The following NCR1 variants were observed in gnomAD, a reference collection of about 807,000 sequenced individuals.
NCR1 encodes NK cell-activating receptor.
NCR1 carries 30 observed loss-of-function variants against 32.5 expected under a neutral mutation model. The ratio of observed to expected loss-of-function variants is 0.92; its 90% CI spans 0.69 to 1.25. The LOEUF is 1.25. NCR1 is among the 50% of genes most tolerant of loss of function. The pLI is 0.00. For missense variants in NCR1, 369 were observed against 380.7 expected, an observed-to-expected ratio of 0.97 and a Z score of 0.26; for synonymous variants, 169 against 143.4, an observed-to-expected ratio of 1.18 and a Z score of -1.28.
chr19:54,937,661 G>A, the NCR1 span, among the ~76,000 whole-genome samples: 2 of 151,540 alleles, frequency 1.3e-5, no homozygotes, highest in Non-Finnish European at 2.9e-5. Flanking sequence ...ACTTTGGAAG[G>A]CCGAGGCAGG....
At chr19:54,934,623 A>C in the NCR1 span, 2 of 1,613,946 alleles carry the variant, frequency 1.2e-6, no homozygotes, top group Non-Finnish European at 1.7e-6. The surrounding 1 kb of genome is among the most constrained non-coding windows in gnomAD (Gnocchi z 6.7). Flanking sequence ...AGAAGAATTC[A>C]GCCCACTGCT....
the NCR1 span, among the ~76,000 whole-genome samples, chr19:54,898,620 T>C: frequency 6.6e-6 from 1 of 152,146 alleles, no homozygotes; most frequent in Non-Finnish European, 1.5e-5. Flanking sequence ...GATTTGGTAA[T>C]AAAATGTATA....
upstream of NCR1, among the ~76,000 whole-genome samples, chr19:54,903,308 GTATACATACATGTATA>G (rs771396194): frequency 4.0e-5 from 5 of 126,582 alleles, no homozygotes; most frequent in Non-Finnish European, 8.3e-5. Context: ...ATACGTATAT[GTATACATACATGTATA>G]TATACATGTA....
chr19:54,901,739 A>G (rs1167220370), upstream of NCR1, among the ~76,000 whole-genome samples: 1 of 152,204 alleles, frequency 6.6e-6, no homozygotes, highest in Non-Finnish European at 1.5e-5. Context: ...AGGCTGAGGC[A>G]GGTGGATCAG....
chr19:54,916,936 A>C (rs1371654267), downstream of NCR1, among the ~76,000 whole-genome samples: 1 of 150,404 alleles, frequency 6.6e-6, no homozygotes, highest in African/African-American at 2.4e-5. Flanking sequence ...TGTGCTCCCC[A>C]CCCGCTAGAA....
chr19:54,905,728 G>A (rs151338572), upstream of NCR1, among the ~76,000 whole-genome samples: 1 of 152,218 alleles, frequency 6.6e-6, no homozygotes, highest in East Asian at 1.9e-4. Context: ...CTTCCTCGGG[G>A]GGAACTGGGT....
chr19:54,931,830 C>CA, the NCR1 span, among the ~76,000 whole-genome samples: 1 of 127,998 alleles, frequency 7.8e-6, no homozygotes, highest in Non-Finnish European at 1.6e-5. Context: ...AGCCTGGTGA[C>CA]AGAGAGAGAC....
At chr19:54,922,369 G>A in the NCR1 span, among the ~76,000 whole-genome samples, 1 of 152,188 alleles carries the variant, frequency 6.6e-6, no homozygotes, top group Non-Finnish European at 1.5e-5. Flanking sequence ...ACCAAATACA[G>A]GGTGTGGAAA....
At chr19:54,928,732 G>C in the NCR1 span, among the ~76,000 whole-genome samples, 1 of 152,108 alleles carries the variant, frequency 6.6e-6, no homozygotes. Flanking sequence ...TAGTGAGAAA[G>C]TAGAATGATT....
chr19:54,918,225 C>T (rs2068174466), downstream of NCR1, among the ~76,000 whole-genome samples: 1 of 151,960 alleles, frequency 6.6e-6, no homozygotes, highest in African/African-American at 2.4e-5. Context: ...AGCCACCGCA[C>T]CCGGCCTTAT....
upstream of NCR1, among the ~76,000 whole-genome samples, chr19:54,901,813 CA>C (rs1345700152): frequency 2.6e-5 from 4 of 152,034 alleles, no homozygotes; most frequent in East Asian, 7.7e-4. Flanking sequence ...ACTAGAAATA[CA>C]AAAATTAGCT....
the NCR1 span, among the ~76,000 whole-genome samples, chr19:54,921,973 C>T: frequency 5.3e-5 from 8 of 151,548 alleles, no homozygotes; most frequent in South Asian, 1.3e-3. Context: ...CTCAGCTCAC[C>T]GCAAACTCCG....
chr19:54,919,004 G>A (rs1391372252), downstream of NCR1, among the ~76,000 whole-genome samples: 2 of 149,918 alleles, frequency 1.3e-5, no homozygotes, highest in East Asian at 3.9e-4. Context: ...AAAAAAGTGA[G>A]AACATATGGA....
downstream of NCR1, among the ~76,000 whole-genome samples, chr19:54,917,162 A>G (rs2068152793): frequency 6.6e-6 from 1 of 151,490 alleles, no homozygotes; most frequent in Non-Finnish European, 1.5e-5. Flanking sequence ...TACAGTACCA[A>G]CAGGTTTGCA....
the NCR1 span, among the ~76,000 whole-genome samples, chr19:54,929,195 C>G: frequency 6.6e-6 from 1 of 151,892 alleles, no homozygotes; most frequent in African/African-American, 2.4e-5. Flanking sequence ...ATGGTGAAAC[C>G]TGGTCTCTAC....
chr19:54,904,873 A>G (rs1357960731), upstream of NCR1, among the ~76,000 whole-genome samples: 1 of 152,112 alleles, frequency 6.6e-6, no homozygotes, highest in Non-Finnish European at 1.5e-5. Context: ...GCTTAGGATA[A>G]TGGCCTCTAG....
chr19:54,936,488 G>C, the NCR1 span: 3 of 1,411,072 alleles, frequency 2.1e-6, no homozygotes, highest in African/African-American at 1.4e-5. Flanking sequence ...ATTGTGTGGA[G>C]GCATGTATAA....
At chr19:54,898,888 C>G in the NCR1 span, among the ~76,000 whole-genome samples, 2 of 151,878 alleles carry the variant, frequency 1.3e-5, no homozygotes, top group Admixed American at 1.3e-4. Flanking sequence ...TAAGCTGGAC[C>G]GGGTGTGAGG....
chr19:54,928,773 A>G, the NCR1 span, among the ~76,000 whole-genome samples: 1 of 151,556 alleles, frequency 6.6e-6, no homozygotes, highest in Non-Finnish European at 1.5e-5. Flanking sequence ...AGGATCCCCC[A>G]TAAGGCCCTG....
Sources: allele counts gnomAD v4.1 joint callset (sites outside exome capture counted in the v4.1 genomes callset), GRCh38; gene constraint gnomAD v4.1.1; non-coding constraint Gnocchi (gnomAD v3.1); transcripts MANE v1.5; gene names NCBI Gene and HGNC (gene_info 2026-07-23, HGNC 2026-07-21).